DCUN1D4: variants seen among roughly 807,000 people sequenced by gnomAD.
DCUN1D4 encodes defective in cullin neddylation 1 domain containing 4, also known as DCN1-like protein 4.
A neutral mutation model predicts 47.9 loss-of-function variants in DCUN1D4; 22 were observed. The observed-to-expected ratio is 0.46, with a 90% CI of 0.33 to 0.66. The LOEUF is 0.66. DCUN1D4 is among the 30% of genes least tolerant of loss of function. DCUN1D4 has a pLI of 0.02. For synonymous variants in DCUN1D4, 121 were observed against 112.2 expected (o/e 1.08, Z -0.50); for missense variants, 301 against 340.8 (o/e 0.88, Z 0.92).
At chr4:51,913,508 T>C (rs774283158) in intron 10 of DCUN1D4, 21 bp from the exon 11 acceptor site, 2 of 1,606,368 alleles carry the variant, frequency 1.2e-6, no homozygotes, top group Non-Finnish European at 1.7e-6. Flanking sequence ...TTATTACTAC[T>C]GTTTCTCTCT....
chr4:51,891,817 C>G lies in DCUN1D4; in HGVS notation c.472C>G (p.Leu158Val), dbSNP rs767827240. The G allele has an allele frequency of 1.4e-5, 23 of 1,612,640 alleles. No homozygotes were observed. Among genetic ancestry groups the G allele is most frequent in the Non-Finnish European group, 2.0e-5 (23 of 1,179,342 alleles). ...TGCACAAAACATGGGTTATTTTACT[C>G]TACAGGAGTGGTTAAAAGGAATGAC... ...LDAQNMGYFT[L>V]QEWLKGMTSL... The change falls in exon 7 of 11, where the codon CTA becomes GTA. Residue 158 changes from leucine (L) to valine (V), a missense_variant. Transcript: ENST00000334635.
chr4:51,857,590 A>G (rs1209416072), intron 1 of DCUN1D4, among the ~76,000 whole-genome samples: 1 of 152,172 alleles, frequency 6.6e-6, no homozygotes, highest in Non-Finnish European at 1.5e-5. Flanking sequence ...GTTTTCATGT[A>G]AGACTGTCAT....
chr4:51,858,659 G>C (rs985419019), intron 1 of DCUN1D4, among the ~76,000 whole-genome samples: 2 of 152,182 alleles, frequency 1.3e-5, no homozygotes, highest in Non-Finnish European at 2.9e-5. Flanking sequence ...GTATTTATAC[G>C]TATATGTTTA....
rs1237148182 is a variant in DCUN1D4 at position 51,913,587 on chromosome 4, C to CT, written c.*6dup. 1 of 1,611,122 alleles carries CT rather than the reference C, an allele frequency of 6.2e-7. No individual in the cohort carries two copies. The highest frequency in any genetic ancestry group is 1.3e-5 in the African/African-American group (1 of 74,808). The stretch of plus-strand genomic sequence containing the variant: ...ATAAAGACAAACAGATGTCCTAGGA[C>CT]TTTATGCATAGCAGCGAGAGAGTCA... On this transcript the variant is annotated 3_prime_UTR_variant, in exon 11 of 11. Coordinates refer to ENST00000334635, the MANE Select transcript of DCUN1D4 (RefSeq NM_001040402.3).
chr4:51,869,326 A>G (rs1365983307), intron 3 of DCUN1D4, among the ~76,000 whole-genome samples: 2 of 152,170 alleles, frequency 1.3e-5, no homozygotes, highest in African/African-American at 4.8e-5. Flanking sequence ...GCGGCAAGCT[A>G]TTTATGAACT....
intron 1 of DCUN1D4, among the ~76,000 whole-genome samples, chr4:51,855,754 T>A (rs1195007758): frequency 6.6e-6 from 1 of 152,208 alleles, no homozygotes; most frequent in African/African-American, 2.4e-5. Flanking sequence ...TCTCAGTGAT[T>A]CAAGTAAAAG....
chr4:51,837,616 C>T, the DCUN1D4 span, among the ~76,000 whole-genome samples: 1 of 123,690 alleles, frequency 8.1e-6, no homozygotes, highest in South Asian at 2.5e-4. Flanking sequence ...GATCGCGCCA[C>T]AGCACTCCCG....
In DCUN1D4 at chr4:51,905,185, A is replaced by G. The variant is rs1452395465; in HGVS notation, c.615+5807A>G. ...ATTTGTCTTTGACTTGAACTTATTT[A>G]TAGTTCTATATGATGCTTGAGAGCT... On this transcript the variant is annotated intron_variant, in intron 8 of 10. Coordinates refer to ENST00000334635, the MANE Select transcript of DCUN1D4 (RefSeq NM_001040402.3). 4.4e-6 allele frequency: 2 copies of G among 454,322 alleles called. 1 individual carries two copies. The highest frequency in any genetic ancestry group is 3.1e-5 in the South Asian group (2 of 64,392). 28.1% of individuals were successfully genotyped at this position (454,322 alleles called of 1,614,324 possible).
intron 1 of DCUN1D4, chr4:51,845,068 T>G (rs1160915150): frequency 2.0e-6 from 2 of 985,454 alleles, no homozygotes; most frequent in Non-Finnish European, 2.4e-6. Context: ...TTTGTGGCCT[T>G]ACTTGTGGAA....
At chr4:51,861,438 T>C (rs918707415) in intron 1 of DCUN1D4, among the ~76,000 whole-genome samples, 2 of 152,186 alleles carry the variant, frequency 1.3e-5, no homozygotes, top group African/African-American at 4.8e-5. Flanking sequence ...CTTGTGTTTC[T>C]TGTCTTTTCT....
At chr4:51,893,702 G>A (rs187181131) in intron 7 of DCUN1D4, among the ~76,000 whole-genome samples, 6 of 152,312 alleles carry the variant, frequency 3.9e-5, no homozygotes, top group Admixed American at 3.3e-4. Context: ...GATTACAGGC[G>A]TAAGCCACCG....
intron 6 of DCUN1D4, among the ~76,000 whole-genome samples, chr4:51,888,281 T>C (rs1209348212): frequency 1.3e-5 from 2 of 152,136 alleles, no homozygotes; most frequent in Non-Finnish European, 2.9e-5. Flanking sequence ...GCTGAGCATT[T>C]AGTCTCAGAG....
intron 7 of DCUN1D4, among the ~76,000 whole-genome samples, chr4:51,896,233 C>G (rs185971944): frequency 9.2e-5 from 14 of 152,334 alleles, no homozygotes; most frequent in Non-Finnish European, 1.3e-4. Flanking sequence ...CTCTGAGCAT[C>G]TTTCAAACAT....
chr4:51,879,843 A>C (rs1230839967), intron 5 of DCUN1D4, among the ~76,000 whole-genome samples: 1 of 152,232 alleles, frequency 6.6e-6, no homozygotes, highest in Non-Finnish European at 1.5e-5. Flanking sequence ...CTTTATAAGC[A>C]AATACAGATT....
chr4:51,870,029 T>C (rs1334861709), intron 3 of DCUN1D4, among the ~76,000 whole-genome samples: 1 of 152,178 alleles, frequency 6.6e-6, no homozygotes, highest in Non-Finnish European at 1.5e-5. Context: ...CTTCTAATGA[T>C]AGGAGGATTG....
intron 3 of DCUN1D4, among the ~76,000 whole-genome samples, chr4:51,872,993 A>G (rs890723612): frequency 1.3e-5 from 2 of 152,038 alleles, no homozygotes; most frequent in African/African-American, 4.8e-5. Context: ...CCTTCATAAA[A>G]CTCCTGAGAG....
intron 8 of DCUN1D4, among the ~76,000 whole-genome samples, chr4:51,900,626 A>C: frequency 6.6e-6 from 1 of 152,164 alleles, no homozygotes. Flanking sequence ...CTAGCTACTC[A>C]GGAGGCTGAG....
intron 1 of DCUN1D4, among the ~76,000 whole-genome samples, chr4:51,847,238 C>T (rs965436024): frequency 1.3e-5 from 2 of 152,092 alleles, no homozygotes; most frequent in South Asian, 4.1e-4. Context: ...TTATTTTCTG[C>T]CTTATTCTAA....
intron 8 of DCUN1D4, 118 bp downstream of exon 8, chr4:51,899,496 G>T: frequency 6.8e-7 from 1 of 1,471,018 alleles, no homozygotes; most frequent in Middle Eastern, 1.8e-4. Context: ...TAACTCCCAG[G>T]ATGCTAGTTA....
Sources: gnomAD v4.1 joint callset for allele counts (sites outside exome capture counted in the v4.1 genomes callset) on GRCh38, gnomAD v4.1.1 for gene constraint, MANE v1.5 for transcripts, NCBI Gene and HGNC (gene_info 2026-07-23, HGNC 2026-07-21) for gene names.